PRKG1: variants seen among roughly 807,000 people sequenced by gnomAD.
The protein encoded by PRKG1 is cGMP-dependent protein kinase 1.
A neutral mutation model predicts 88.1 loss-of-function variants in PRKG1; 35 were observed. That is an observed-to-expected ratio of 0.40 (90% confidence interval 0.30 to 0.53). The LOEUF is 0.53. Among genes scored for constraint, PRKG1 ranks in the 20% least tolerant of loss-of-function variants. PRKG1 has a pLI of 0.59. For missense variants in PRKG1, 540 were observed against 839.8 expected (o/e 0.64, Z 4.41); for synonymous variants, 303 against 292.5 (o/e 1.04, Z -0.37).
At chr10:51,917,266 C>T (rs73335434) in intron 5 of PRKG1, among the ~76,000 whole-genome samples, 1 of 149,716 alleles carries the variant, frequency 6.7e-6, no homozygotes, top group Admixed American at 6.6e-5. Context: ...TTGCAGCGGG[C>T]CAAGATCGTG....
At chr10:51,945,312 A>T (rs1040204741) in intron 5 of PRKG1, among the ~76,000 whole-genome samples, 1 of 151,182 alleles carries the variant, frequency 6.6e-6, no homozygotes, top group Non-Finnish European at 1.5e-5. Flanking sequence ...TGCTTGGTAG[A>T]TCTTCCTCCA....
intron 3 of PRKG1, among the ~76,000 whole-genome samples, chr10:51,504,757 A>T (rs1841144127): frequency 6.6e-6 from 1 of 152,066 alleles, no homozygotes; most frequent in South Asian, 2.1e-4. Context: ...TTCACTCCTG[A>T]TTTGGCTCTC....
intron 5 of PRKG1, among the ~76,000 whole-genome samples, chr10:51,930,829 G>A (rs1842679543): frequency 6.6e-6 from 1 of 152,098 alleles, no homozygotes; most frequent in Non-Finnish European, 1.5e-5. Flanking sequence ...GGCAAACGTA[G>A]TAGTTTTCAT....
intron 9 of PRKG1, among the ~76,000 whole-genome samples, chr10:52,232,361 T>A (rs1020078445): frequency 2.6e-5 from 4 of 152,020 alleles, no homozygotes; most frequent in Admixed American, 6.6e-5. Flanking sequence ...TCTAAAACAA[T>A]TCTCAATATA....
At chr10:51,408,731 C>T (rs969493746) in intron 2 of PRKG1, among the ~76,000 whole-genome samples, 1 of 152,212 alleles carries the variant, frequency 6.6e-6, no homozygotes, top group African/African-American at 2.4e-5. Context: ...TCCATCCCCG[C>T]CACCATGGCC....
intron 7 of PRKG1, among the ~76,000 whole-genome samples, chr10:52,069,429 G>A (rs921066202): frequency 6.6e-6 from 1 of 152,086 alleles, no homozygotes; most frequent in East Asian, 1.9e-4. Flanking sequence ...TACTCGGGGG[G>A]CTGAAGTAGG....
intron 5 of PRKG1, among the ~76,000 whole-genome samples, chr10:52,047,584 T>C (rs1845892009): frequency 6.6e-6 from 1 of 152,134 alleles, no homozygotes; most frequent in African/African-American, 2.4e-5. Context: ...CTCTAGATAA[T>C]CTAGGACCAG....
chr10:52,082,198 G>C (rs1378573203), intron 7 of PRKG1, among the ~76,000 whole-genome samples: 2 of 151,970 alleles, frequency 1.3e-5, no homozygotes, highest in African/African-American at 2.4e-5. Context: ...AGCAGCACAG[G>C]GTAACCACCC....
chr10:51,542,430 T>C (rs1334499152), intron 3 of PRKG1, among the ~76,000 whole-genome samples: 1 of 152,266 alleles, frequency 6.6e-6, no homozygotes, highest in East Asian at 1.9e-4. Context: ...CTTGGAGAGA[T>C]TTAGTGCCCA....
intron 3 of PRKG1, among the ~76,000 whole-genome samples, chr10:51,616,697 G>C (rs1839065810): frequency 6.6e-6 from 1 of 152,140 alleles, no homozygotes; most frequent in Non-Finnish European, 1.5e-5. Context: ...TACCAGCTAT[G>C]CTAGGCAGGG....
intron 2 of PRKG1, among the ~76,000 whole-genome samples, chr10:51,345,499 G>T (rs1842093074): frequency 6.6e-6 from 1 of 151,928 alleles, no homozygotes; most frequent in African/African-American, 2.4e-5. Flanking sequence ...TTAGTTATGG[G>T]ATATTTCACC....
chr10:51,106,730 G>A (rs995812284), intron 1 of PRKG1, among the ~76,000 whole-genome samples: 9 of 152,178 alleles, frequency 5.9e-5, no homozygotes, highest in African/African-American at 2.2e-4. Flanking sequence ...TTAAGTTGTG[G>A]TTTGAATATG....
intron 3 of PRKG1, among the ~76,000 whole-genome samples, chr10:51,604,536 C>A (rs1002374741): frequency 1.3e-5 from 2 of 152,170 alleles, no homozygotes; most frequent in Non-Finnish European, 2.9e-5. Flanking sequence ...CCACACAGAT[C>A]AAAATCTAAA....
intron 3 of PRKG1, among the ~76,000 whole-genome samples, chr10:51,523,967 TG>T (rs1373615388): frequency 6.6e-6 from 1 of 152,166 alleles, no homozygotes; most frequent in Non-Finnish European, 1.5e-5. Context: ...GATTGCATTA[TG>T]GGGGTGCATC....
rs1845470117 is a variant in PRKG1, at chr10:51,127,860, A to G, written c.312-25304A>G. ...ATCCTCAGCAACCTAACACAGGAAC[A>G]GAAAACCAAACACCACATGTTCTCA... On this transcript the variant is annotated intron_variant, in intron 1 of 17. Coordinates refer to ENST00000373980, the MANE Select transcript of PRKG1 (RefSeq NM_006258.4). 2.0e-5 allele frequency among the ~76,000 whole-genome samples: 3 copies of G among 152,190 alleles called. No individual in the cohort carries two copies. The South Asian group carries it at 6.2e-4, about 31-fold the overall frequency.
chr10:51,756,715 C>T (rs12259207), intron 3 of PRKG1, among the ~76,000 whole-genome samples: 79,495 of 150,838 alleles, frequency 0.53, 21,696 homozygotes, highest in Middle Eastern at 0.66. Context: ...CTCGGGAGGC[C>T]GAGGCAGGAG....
chr10:51,004,984 A>G (rs1052599557), intron 1 of PRKG1, among the ~76,000 whole-genome samples: 6 of 152,178 alleles, frequency 3.9e-5, no homozygotes, highest in Non-Finnish European at 5.9e-5. Flanking sequence ...ATTTGGACAT[A>G]TATGGTATTG....
chr10:51,258,929 T>C (rs1386877482), intron 2 of PRKG1, among the ~76,000 whole-genome samples: 3 of 152,206 alleles, frequency 2.0e-5, no homozygotes, highest in Non-Finnish European at 4.4e-5. Flanking sequence ...CACTGTTCTT[T>C]GATGTGAACC....
chr10:52,206,025 T>C (rs987078909), intron 9 of PRKG1, among the ~76,000 whole-genome samples: 4 of 152,208 alleles, frequency 2.6e-5, no homozygotes, highest in Non-Finnish European at 5.9e-5. Context: ...AGTTGCTTGC[T>C]TTCTCTCCCT....
Sources: gnomAD v4.1 joint callset for allele counts (sites outside exome capture counted in the v4.1 genomes callset) on GRCh38, gnomAD v4.1.1 for gene constraint, MANE v1.5 for transcripts, NCBI Gene and HGNC (gene_info 2026-07-23, HGNC 2026-07-21) for gene names.